The following EVI5 variants were observed in gnomAD, a reference collection of about 807,000 sequenced individuals.
EVI5 encodes the protein ecotropic viral integration site 5, also known as ecotropic viral integration site 5 protein homolog.
Under a neutral mutation model 112.0 loss-of-function variants are expected in EVI5, and 73 were observed. The observed-to-expected ratio is 0.65, with a 90% CI of 0.54 to 0.79. EVI5 has a LOEUF of 0.79. EVI5 is among the 30% of genes least tolerant of loss of function. The pLI, the probability that EVI5 is intolerant of heterozygous loss-of-function variation, is 0.00. For synonymous variants in EVI5, 305 were observed against 319.9 expected, an observed-to-expected ratio of 0.95 and a Z score of 0.50; for missense variants, 900 against 968.8, an observed-to-expected ratio of 0.93 and a Z score of 0.94.
intron 18 of EVI5, among the ~76,000 whole-genome samples, chr1:92,571,484 C>A (rs1331722752): frequency 6.6e-6 from 1 of 151,976 alleles, no homozygotes; most frequent in Non-Finnish European, 1.5e-5. Flanking sequence ...GTATCAATAA[C>A]CATTTATCAA....
At position 92,758,268 on chromosome 1, in the gene EVI5, GT is replaced by G. The variant is rs1681257492; in HGVS notation, c.-81-21642del. Among the ~76,000 whole-genome samples, 3 of 151,952 alleles carry G rather than the reference GT, an allele frequency of 2.0e-5. No homozygotes were observed. The South Asian group carries it at 6.2e-4, about 31-fold the overall frequency. On this transcript the variant is annotated intron_variant, in intron 1 of 19. Coordinates refer to ENST00000684568, the MANE Select transcript of EVI5 (RefSeq NM_001350197.2). ...TATCATGTAAGCCTTTTGTGATTTT[GT>G]TTTAAAAAGTTGGTTAAGGCTGGGC...
rs1662333237 is a variant in EVI5 at position 92,652,673 on chromosome 1, T to C, written c.1392+10046A>G. 2.6e-5 allele frequency among the ~76,000 whole-genome samples: 4 copies of C among 152,120 alleles called. 1 individual carries two copies. Among genetic ancestry groups the C allele is most frequent in the Admixed American group, 2.6e-4 (4 of 15,282 alleles). On this transcript the variant is annotated intron_variant, in intron 13 of 19. Coordinates refer to ENST00000684568, the MANE Select transcript of EVI5 (RefSeq NM_001350197.2). ...TCAACAGACAAACGGATAAGGGAAA[T>C]GTGGTGTGTATGCACAATCAAATAC...
intron 2 of EVI5, among the ~76,000 whole-genome samples, chr1:92,710,348 G>A (rs554935219): frequency 6.6e-6 from 1 of 151,044 alleles, no homozygotes; most frequent in Non-Finnish European, 1.5e-5. Context: ...ATCCTGTCTC[G>A]AAAAAAAAGC....
chr1:92,621,401 T>G (rs1481002112), intron 16 of EVI5, among the ~76,000 whole-genome samples: 1 of 152,238 alleles, frequency 6.6e-6, no homozygotes, highest in Non-Finnish European at 1.5e-5. Context: ...AACCTCCACC[T>G]ACCGGGTTCA....
At chr1:92,701,737 CA>C (rs1336484232) in intron 5 of EVI5, among the ~76,000 whole-genome samples, 2 of 151,636 alleles carry the variant, frequency 1.3e-5, no homozygotes, top group African/African-American at 4.8e-5. Context: ...CTTTTAGCTC[CA>C]TGATAAATTA....
chr1:92,618,495 G>A (rs922171837), intron 16 of EVI5, among the ~76,000 whole-genome samples: 7 of 152,168 alleles, frequency 4.6e-5, no homozygotes, highest in South Asian at 2.1e-4. Flanking sequence ...AATCCACAAC[G>A]GAGGTAAAGA....
chr1:92,560,413 A>G (rs747678202), intron 19 of EVI5, among the ~76,000 whole-genome samples: 3 of 152,230 alleles, frequency 2.0e-5, no homozygotes, highest in African/African-American at 2.4e-5. Flanking sequence ...GGGTTGAAAG[A>G]GTATGAACAG....
chr1:92,554,622 C>T (rs1667423414), intron 19 of EVI5, among the ~76,000 whole-genome samples: 2 of 152,138 alleles, frequency 1.3e-5, no homozygotes, highest in South Asian at 2.1e-4. Flanking sequence ...CAAGATAAAA[C>T]AGAACATATA....
At chr1:92,782,631 G>A (rs895619926) in intron 1 of EVI5, among the ~76,000 whole-genome samples, 8 of 152,086 alleles carry the variant, frequency 5.3e-5, no homozygotes, top group Admixed American at 2.0e-4. Flanking sequence ...TGGGGTAACC[G>A]GAACATTCCC....
chr1:92,565,293 A>G (rs960045195), intron 18 of EVI5, among the ~76,000 whole-genome samples: 1 of 152,212 alleles, frequency 6.6e-6, no homozygotes, highest in Non-Finnish European at 1.5e-5. Context: ...TACAGACACT[A>G]TGTATGCTAC....
At chr1:92,744,184 C>T (rs1558188135) in intron 1 of EVI5, among the ~76,000 whole-genome samples, 1 of 152,156 alleles carries the variant, frequency 6.6e-6, no homozygotes, top group African/African-American at 2.4e-5. Flanking sequence ...CTTAATTCCA[C>T]CGTGGTCTGA....
chr1:92,566,327 C>T (rs892014564), intron 18 of EVI5, among the ~76,000 whole-genome samples: 3 of 152,168 alleles, frequency 2.0e-5, no homozygotes, highest in African/African-American at 4.8e-5. Flanking sequence ...TGGTCAATGA[C>T]GGAATGAATA....
At position 92,736,433 on chromosome 1, in the gene EVI5, G is replaced by A; in HGVS notation, c.114C>T (p.Asp38=). Residue 38 remains aspartate (D), a synonymous_variant, in exon 2 of 20, where the codon GAC becomes GAT. Transcript: ENST00000684568. ...PSSPSQLSPD[D]LELLAKLEEQ... ...CTTCCAGTTTAGCCAGGAGTTCTAA[G>A]TCGTCTGGACTCAACTGTGATGGGG... 1 of 1,613,686 alleles carries A rather than the reference G, an allele frequency of 6.2e-7. No homozygotes were observed. The highest frequency in any genetic ancestry group is 1.7e-5 in the Admixed American group (1 of 59,986).
chr1:92,776,340 CAA>C, intron 1 of EVI5, among the ~76,000 whole-genome samples: 1 of 151,988 alleles, frequency 6.6e-6, no homozygotes, highest in Non-Finnish European at 1.5e-5. Flanking sequence ...AATTCTAACT[CAA>C]AGAGCAACAT....
intron 4 of EVI5, among the ~76,000 whole-genome samples, 197 bp downstream of exon 4, chr1:92,703,198 T>G (rs570369167): frequency 6.6e-6 from 1 of 151,994 alleles, no homozygotes; most frequent in African/African-American, 2.4e-5. Flanking sequence ...CTAAATAACG[T>G]AGTAAATGTT....
At position 92,593,399 on chromosome 1, in the gene EVI5, A is replaced by C. The variant is rs548630592; in HGVS notation, c.2070+11908T>G. 1.9e-4 allele frequency among the ~76,000 whole-genome samples: 29 copies of C among 152,348 alleles called. 1 individual carries two copies. In the South Asian group the frequency reaches 6.0e-3, roughly 32 times the overall value. On this transcript the variant is annotated intron_variant, in intron 18 of 19. Coordinates refer to ENST00000684568, the MANE Select transcript of EVI5 (RefSeq NM_001350197.2). ...TCATGCTAAAAACTCTCAATAAATT[A>C]GGTATTGATGGGACGTATCTCAAAA...
At chr1:92,594,558 T>G (rs1292826466) in intron 18 of EVI5, among the ~76,000 whole-genome samples, 1 of 149,252 alleles carries the variant, frequency 6.7e-6, no homozygotes, top group Admixed American at 6.6e-5. Flanking sequence ...AAGCCAAAAT[T>G]GACAAATGGG....
intron 4 of EVI5, among the ~76,000 whole-genome samples, chr1:92,702,441 C>CATAAATAAA (rs1553249571): frequency 1.4e-5 from 2 of 140,134 alleles, no homozygotes; most frequent in Non-Finnish European, 3.1e-5. Context: ...GCTCTAAAGA[C>CATAAATAAA]ATAAAATAAA....
At chr1:92,593,883 A>G (rs951984266) in intron 18 of EVI5, among the ~76,000 whole-genome samples, 1 of 152,238 alleles carries the variant, frequency 6.6e-6, no homozygotes, top group African/African-American at 2.4e-5. Flanking sequence ...GGACCTCTTC[A>G]AGGAGAACTA....
Sources: gnomAD v4.1 joint callset for allele counts (sites outside exome capture counted in the v4.1 genomes callset) on GRCh38, gnomAD v4.1.1 for gene constraint, MANE v1.5 for transcripts, NCBI Gene and HGNC (gene_info 2026-07-23, HGNC 2026-07-21) for gene names.